The following F13A1 variants were observed in gnomAD, a reference collection of about 807,000 sequenced individuals.
The protein encoded by F13A1 is FSF, A subunit.
A neutral mutation model predicts 80.1 loss-of-function variants in F13A1; 47 were observed. That is an observed-to-expected ratio of 0.59 (90% CI 0.46 to 0.75). The LOEUF is 0.75. Among genes scored for constraint, F13A1 ranks in the 30% least tolerant of loss-of-function variants. The pLI, the probability that F13A1 is intolerant of heterozygous loss-of-function variation, is 0.00. For synonymous variants in F13A1, 349 were observed against 344.9 expected, an observed-to-expected ratio of 1.01 and a Z score of -0.13; for missense variants, 817 against 930.4, an observed-to-expected ratio of 0.88 and a Z score of 1.59.
rs895303177 is a variant in F13A1 at position 6,313,535 on chromosome 6, A to T, written c.130+5000T>A. Among the ~76,000 whole-genome samples the T allele has an allele frequency of 6.6e-5, 10 of 152,184 alleles. No individual in the cohort carries two copies. In the East Asian group the frequency reaches 1.7e-3, roughly 26 times the overall value. The stretch of plus-strand genomic sequence containing the variant: ...AAAATATTCTTCAGAGAATGATTAT[A>T]CCTGTCACAGATGGGATCTTGAAAT... On this transcript the variant is annotated intron_variant, in intron 2 of 14. Transcript: ENST00000264870.
At chr6:6,179,119 T>C (rs1024726694) in intron 11 of F13A1, among the ~76,000 whole-genome samples, 9 of 152,142 alleles carry the variant, frequency 5.9e-5, no homozygotes, top group Non-Finnish European at 8.8e-5. Flanking sequence ...GCTTAAATGC[T>C]GATTGGAAGG....
rs1434043907 is a variant in F13A1 at position 6,145,604 on chromosome 6, C to A, written c.*15G>T. 4 of 1,613,990 alleles carry A rather than the reference C, an allele frequency of 2.5e-6. No homozygotes were observed. The highest frequency in any genetic ancestry group is 2.5e-6 in the Non-Finnish European group (3 of 1,179,974). On this transcript the variant is annotated 3_prime_UTR_variant, in exon 15 of 15. Transcript: ENST00000264870. Reference sequence around the variant, plus strand: ...AGAGGCCAAATGCCAGGGTTCATCTCAGCTTCCTGTGCATTCACATGGAAG... The same window carrying A: ...AGAGGCCAAATGCCAGGGTTCATCTAAGCTTCCTGTGCATTCACATGGAAG...
intron 2 of F13A1, among the ~76,000 whole-genome samples, chr6:6,317,088 G>A (rs1398088108): frequency 6.6e-6 from 1 of 152,196 alleles, no homozygotes; most frequent in Non-Finnish European, 1.5e-5. Context: ...CTTTCCGGGG[G>A]CCCAGAGTCT....
intron 8 of F13A1, among the ~76,000 whole-genome samples, chr6:6,209,661 T>C (rs1761566165): frequency 6.6e-6 from 1 of 152,192 alleles, no homozygotes. Context: ...ATATCATTCA[T>C]CAATGAAAGG....
At chr6:6,184,687 T>C (rs1189368979) in intron 10 of F13A1, among the ~76,000 whole-genome samples, 2 of 152,190 alleles carry the variant, frequency 1.3e-5, no homozygotes, top group Non-Finnish European at 2.9e-5. Flanking sequence ...ACAATCCTTA[T>C]AACAGCTTGT....
chr6:6,266,774 G>T lies in F13A1; in HGVS notation c.355C>A (p.Pro119Thr). The change falls in exon 4 of 15, where the codon CCA becomes ACA. Residue 119 changes from proline to threonine, a missense_variant. Physicochemically the swap from Pro to Thr is conservative, Grantham distance 38. Transcript: ENST00000264870. Reference sequence around the variant, plus strand: ...TGTAACTCTGAGACTATAGGCACTGGGATGTAGGTTCCCTTGTTCTCCTGT... The same window carrying T: ...TGTAACTCTGAGACTATAGGCACTGTGATGTAGGTTCCCTTGTTCTCCTGT... ...YPQENKGTYI[P>T]VPIVSELQSG... The T allele has an allele frequency of 6.2e-7, 1 of 1,614,156 alleles. No individual in the cohort carries two copies. Among genetic ancestry groups the T allele is most frequent in the Non-Finnish European group, 8.5e-7 (1 of 1,180,020 alleles).
chr6:6,225,995 C>T (rs1757271540), intron 6 of F13A1, among the ~76,000 whole-genome samples: 1 of 152,222 alleles, frequency 6.6e-6, no homozygotes, highest in Non-Finnish European at 1.5e-5. Context: ...ACTTGCCACA[C>T]CTTCAGACTA....
At chr6:6,232,475 A>T (rs1413025093) in intron 6 of F13A1, among the ~76,000 whole-genome samples, 19 of 152,170 alleles carry the variant, frequency 1.2e-4, no homozygotes, top group Admixed American at 1.2e-3. Flanking sequence ...AGACCTAAGA[A>T]ATGAGATAGA....
intron 3 of F13A1, among the ~76,000 whole-genome samples, chr6:6,292,326 T>A (rs1218544700): frequency 6.6e-6 from 1 of 152,168 alleles, no homozygotes; most frequent in Non-Finnish European, 1.5e-5. Flanking sequence ...CATAGTCACA[T>A]AAGCCAGCCA....
chr6:6,295,087 T>C (rs1288943394), intron 3 of F13A1, among the ~76,000 whole-genome samples: 1 of 147,086 alleles, frequency 6.8e-6, no homozygotes, highest in Non-Finnish European at 1.5e-5. Context: ...TCCTTTTTTA[T>C]GGCTGCATAG....
intron 3 of F13A1, among the ~76,000 whole-genome samples, chr6:6,301,690 T>C (rs1437253838): frequency 1.3e-5 from 2 of 152,230 alleles, no homozygotes; most frequent in East Asian, 3.8e-4. Flanking sequence ...ATGGATGCTG[T>C]GGTGGGCTGC....
At chr6:6,294,452 A>G (rs1758284356) in intron 3 of F13A1, among the ~76,000 whole-genome samples, 1 of 152,032 alleles carries the variant, frequency 6.6e-6, no homozygotes, top group Non-Finnish European at 1.5e-5. Flanking sequence ...CAGACAGCCT[A>G]TTGTGGGACC....
At chr6:6,228,230 C>T (rs1003887461) in intron 6 of F13A1, among the ~76,000 whole-genome samples, 1 of 151,988 alleles carries the variant, frequency 6.6e-6, no homozygotes, top group East Asian at 1.9e-4. Context: ...TCCCATAATA[C>T]CTACAAAATT....
rs182425546 is a variant in F13A1 at position 6,145,552 on chromosome 6, G to A, written c.*67C>T. 3.7e-4 allele frequency: 586 copies of A among 1,604,880 alleles called. No individual in the cohort carries two copies. Among genetic ancestry groups the A allele is most frequent in the Non-Finnish European group, 4.5e-4 (528 of 1,171,824 alleles). On this transcript the variant is annotated 3_prime_UTR_variant, in exon 15 of 15. Coordinates refer to ENST00000264870, the MANE Select transcript of F13A1 (RefSeq NM_000129.4). Reference sequence around the variant, plus strand: ...AAGTCAAAGCAAGAGCTATTTTTGCGTTAGAATTTCCTTAGCCAAGACTAC... The same window carrying A: ...AAGTCAAAGCAAGAGCTATTTTTGCATTAGAATTTCCTTAGCCAAGACTAC...
At chr6:6,198,829 A>T (rs1450945666) in intron 8 of F13A1, among the ~76,000 whole-genome samples, 1 of 152,186 alleles carries the variant, frequency 6.6e-6, no homozygotes, top group Non-Finnish European at 1.5e-5. Context: ...ATTAATTTAA[A>T]TGATCCCTGG....
intron 6 of F13A1, among the ~76,000 whole-genome samples, chr6:6,227,983 G>A (rs1757300095): frequency 2.0e-5 from 3 of 152,214 alleles, no homozygotes; most frequent in Admixed American, 2.0e-4. Context: ...AGTGACAGAT[G>A]TAAAGGGTTA....
At chr6:6,238,898 G>A (rs1253310878) in intron 6 of F13A1, among the ~76,000 whole-genome samples, 2 of 152,132 alleles carry the variant, frequency 1.3e-5, no homozygotes, top group Non-Finnish European at 2.9e-5. Flanking sequence ...ACTCTCATAT[G>A]TTGCTGGCAG....
intron 13 of F13A1, among the ~76,000 whole-genome samples, chr6:6,165,576 G>C (rs946584603): frequency 2.6e-5 from 4 of 152,120 alleles, no homozygotes; most frequent in Non-Finnish European, 5.9e-5. Context: ...GTTCAGGGTT[G>C]AGCTCATAAA....
At chr6:6,276,937 C>A (rs541959055) in intron 3 of F13A1, among the ~76,000 whole-genome samples, 3 of 152,084 alleles carry the variant, frequency 2.0e-5, no homozygotes, top group Non-Finnish European at 2.9e-5. Context: ...ATCCCCACCC[C>A]ACTCCCAACC....
Sources: allele counts gnomAD v4.1 joint callset (sites outside exome capture counted in the v4.1 genomes callset), GRCh38; gene constraint gnomAD v4.1.1; transcripts MANE v1.5; gene names NCBI Gene and HGNC (gene_info 2026-07-23, HGNC 2026-07-21).